Variants in ZFP90 observed in about 807,000 individuals in gnomAD.
ZFP90 encodes the protein zinc finger protein 90 homolog.
ZFP90 carries 38 observed loss-of-function variants against 60.8 expected under a neutral mutation model. The observed-to-expected ratio is 0.62, with a 90% CI of 0.48 to 0.82. ZFP90 has a LOEUF of 0.82. ZFP90 is among the 40% of genes least tolerant of loss of function. ZFP90 has a pLI of 0.00. For synonymous variants in ZFP90, 287 were observed against 264.8 expected (o/e 1.08, Z -0.82); for missense variants, 711 against 759.1 (o/e 0.94, Z 0.74).
At chr16:68,554,746 G>A (rs773834870) in intron 2 of ZFP90, among the ~76,000 whole-genome samples, 4 of 152,058 alleles carry the variant, frequency 2.6e-5, no homozygotes, top group Non-Finnish European at 5.9e-5. Flanking sequence ...GAGCCCAGGA[G>A]TTTGAGACCA....
At chr16:68,562,254 A>G (rs532478259) in intron 4 of ZFP90, 10 of 152,360 alleles carry the variant, frequency 6.6e-5, no homozygotes, top group South Asian at 2.1e-4. Flanking sequence ...CCAAATTCCT[A>G]TTGACATAGA....
chr16:68,565,309 C>T lies in ZFP90; in HGVS notation c.*611C>T, dbSNP rs2152075877. 2.0e-6 allele frequency: 2 copies of T among 985,474 alleles called. No individual in the cohort carries two copies. The highest frequency in any genetic ancestry group is 1.1e-4 in the East Asian group (1 of 8,890). The allele number at this position is 985,474 out of a possible 1,614,324, so 61.0% of individuals were successfully genotyped here. A position where few individuals can be genotyped will look rare whatever the true frequency, so the allele number is the denominator to read the frequency against. ...TGGATTTGGGGCCCCATGGCCTTGC[C>T]AGTGAAAAGGTTATTTTTGGACTCA... On this transcript the variant is annotated 3_prime_UTR_variant, in exon 5 of 5. Transcript: ENST00000563169.
At chr16:68,551,924 A>C (rs2091268623) in intron 2 of ZFP90, among the ~76,000 whole-genome samples, 1 of 151,254 alleles carries the variant, frequency 6.6e-6, no homozygotes, top group Admixed American at 6.6e-5. Flanking sequence ...GTGCCCGGTT[A>C]ATTTTTTTTA....
At chr16:68,553,993 G>C (rs900728102) in intron 2 of ZFP90, among the ~76,000 whole-genome samples, 1 of 152,094 alleles carries the variant, frequency 6.6e-6, no homozygotes, top group Admixed American at 6.5e-5. Flanking sequence ...TGGGGCAAGA[G>C]TGAGAGGAGA....
At chr16:68,536,085 A>G (rs991080849), upstream of ZFP90, among the ~76,000 whole-genome samples, 3 of 152,132 alleles carry the variant, frequency 2.0e-5, no homozygotes, top group Non-Finnish European at 4.4e-5. Flanking sequence ...TTTCCAGTAC[A>G]TGCACTTTCT....
Position 68,566,477 on chromosome 16 carries a change from A to G in ZFP90, c.*1779A>G. 3 of 985,578 alleles carry G rather than the reference A, an allele frequency of 3.0e-6. No individual in the cohort carries two copies. Among genetic ancestry groups the G allele is most frequent in the Non-Finnish European group, 3.6e-6 (3 of 829,932 alleles). 61.1% of individuals were successfully genotyped at this position (985,578 alleles called of 1,614,324 possible). The stretch of plus-strand genomic sequence containing the variant: ...TCTCTCATCATGGATGGCATGCAGC[A>G]GCACCCAAGTATTCTTCATTCTTTG... On this transcript the variant is annotated 3_prime_UTR_variant, in exon 5 of 5. Coordinates refer to ENST00000563169, the MANE Select transcript of ZFP90 (RefSeq NM_001305203.2).
intron 2 of ZFP90, among the ~76,000 whole-genome samples, chr16:68,544,914 C>T: frequency 9.3e-6 from 1 of 107,394 alleles, no homozygotes; most frequent in African/African-American, 3.6e-5. Flanking sequence ...GATGGAGTCT[C>T]ATTCTGTTGC....
chr16:68,539,108 G>A (rs1192799394), upstream of ZFP90: 2 of 152,396 alleles, frequency 1.3e-5, no homozygotes, highest in East Asian at 1.9e-4. Context: ...GACAGTGACT[G>A]GAATACAGGG....
At chr16:68,558,900 T>C (rs2091390578) in intron 4 of ZFP90, among the ~76,000 whole-genome samples, 1 of 152,160 alleles carries the variant, frequency 6.6e-6, no homozygotes, top group Admixed American at 6.5e-5. Context: ...TGTTTAGTCT[T>C]GCTGCTTTCA....
At chr16:68,540,390 C>G (rs998129276) in intron 2 of ZFP90, among the ~76,000 whole-genome samples, 1 of 152,112 alleles carries the variant, frequency 6.6e-6, no homozygotes, top group Admixed American at 6.6e-5. Flanking sequence ...TGTGTCTGTC[C>G]TTTTCTGCTT....
downstream of ZFP90, among the ~76,000 whole-genome samples, chr16:68,570,693 G>A (rs1033505440): frequency 5.3e-5 from 8 of 152,176 alleles, no homozygotes; most frequent in African/African-American, 1.9e-4. Context: ...ATCCTGTTGG[G>A]ACTGGAAAAT....
At chr16:68,541,916 C>T (rs1597714411) in intron 2 of ZFP90, among the ~76,000 whole-genome samples, 1 of 152,092 alleles carries the variant, frequency 6.6e-6, no homozygotes, top group East Asian at 1.9e-4. Context: ...AGCTATGTTC[C>T]CTGAACGCCC....
At chr16:68,574,942 A>AAAAAAG (rs2091586251) in intron 2 of ZFP90, among the ~76,000 whole-genome samples, 1 of 148,120 alleles carries the variant, frequency 6.8e-6, no homozygotes, top group African/African-American at 2.5e-5. Flanking sequence ...AAAAAAAAAA[A>AAAAAAG]GTGGAAAAAA....
downstream of ZFP90, among the ~76,000 whole-genome samples, chr16:68,576,477 T>C (rs1216508323): frequency 6.6e-6 from 1 of 152,200 alleles, no homozygotes; most frequent in Non-Finnish European, 1.5e-5. Flanking sequence ...CCGGGCACGG[T>C]GGCTCACGCC....
upstream of ZFP90, among the ~76,000 whole-genome samples, chr16:68,534,898 C>G (rs1234904376): frequency 6.6e-6 from 1 of 152,018 alleles, no homozygotes; most frequent in Non-Finnish European, 1.5e-5. Flanking sequence ...CAGAGCAAGA[C>G]TGTCTCAAAA....
At chr16:68,552,382 T>C (rs1377206249) in intron 2 of ZFP90, among the ~76,000 whole-genome samples, 1 of 152,142 alleles carries the variant, frequency 6.6e-6, no homozygotes. Flanking sequence ...AACAGACACC[T>C]GAATGTAGTA....
intron 2 of ZFP90, among the ~76,000 whole-genome samples, chr16:68,541,413 G>A (rs1054412430): frequency 4.6e-5 from 7 of 151,570 alleles, no homozygotes; most frequent in African/African-American, 1.5e-4. Flanking sequence ...TGATGTGCTC[G>A]CTTCAGCCTC....
rs528971951 is a variant in ZFP90, at chr16:68,559,608, C to T, written c.256+1040C>T. ...ATTGAGACAGGATCTCACTCTGTCACCCACGCTGGAGTGCAGTGGTGTGAT... is the reference window on the plus strand; with the variant it reads ...ATTGAGACAGGATCTCACTCTGTCATCCACGCTGGAGTGCAGTGGTGTGAT... On this transcript the variant is annotated intron_variant, in intron 4 of 4. Transcript: ENST00000563169. Among the ~76,000 whole-genome samples the T allele has an allele frequency of 2.6e-5, 4 of 152,212 alleles. No individual in the cohort carries two copies. In the East Asian group the frequency reaches 7.7e-4, roughly 29 times the overall value.
Position 68,566,521 on chromosome 16 carries a change from T to C in ZFP90, c.*1823T>C. The C allele has an allele frequency of 1.0e-6, 1 of 985,532 alleles. No individual in the cohort carries two copies. Among genetic ancestry groups the C allele is most frequent in the Non-Finnish European group, 1.2e-6 (1 of 829,940 alleles). 61.0% of individuals were successfully genotyped at this position (985,532 alleles called of 1,614,324 possible). On this transcript the variant is annotated 3_prime_UTR_variant, in exon 5 of 5. Coordinates refer to ENST00000563169, the MANE Select transcript of ZFP90 (RefSeq NM_001305203.2). Reference sequence around the variant, plus strand: ...TTCTTTGCAGGGAAAAAATTGTGCATGGGGGCTGAAATGTAATATGTGTAG... The same window carrying C: ...TTCTTTGCAGGGAAAAAATTGTGCACGGGGGCTGAAATGTAATATGTGTAG...
Sources: gnomAD v4.1 joint callset for allele counts (sites outside exome capture counted in the v4.1 genomes callset) on GRCh38, gnomAD v4.1.1 for gene constraint, MANE v1.5 for transcripts, NCBI Gene and HGNC (gene_info 2026-07-23, HGNC 2026-07-21) for gene names.